The following BARD1 variants were observed in gnomAD, a reference collection of about 807,000 sequenced individuals.
BARD1 encodes the protein BRCA1 associated RING domain 1, also known as BRCA1-associated RING domain protein 1.
In BARD1, 73 loss-of-function variants were observed where a neutral mutation model predicts 77.0. The ratio of observed to expected loss-of-function variants is 0.95; its 90% CI spans 0.79 to 1.15. The LOEUF (loss-of-function observed/expected upper bound fraction) is 1.15, where lower values mean the gene tolerates loss of function less well. Among genes scored for constraint, BARD1 ranks in the 50% most tolerant of loss-of-function variants. The probability of loss-of-function intolerance (pLI) is 0.00; values close to 1 mark genes in which losing one functional copy is unlikely to be tolerated. For synonymous variants in BARD1, 384 were observed against 338.0 expected, an observed-to-expected ratio of 1.14 and a Z score of -1.49; for missense variants, 993 against 938.8, an observed-to-expected ratio of 1.06 and a Z score of -0.75.
At position 214,767,515 on chromosome 2, in the gene BARD1, A is replaced by G. The variant is rs786201769; in HGVS notation, c.1535T>C (p.Leu512Pro). 1 of 1,613,952 alleles carries G rather than the reference A, an allele frequency of 6.2e-7. No homozygotes were observed. Among genetic ancestry groups the G allele is most frequent in the Non-Finnish European group, 8.5e-7 (1 of 1,179,838 alleles). Residue 512 changes from leucine to proline, a missense_variant, in exon 6 of 11, where the codon CTG becomes CCG. Transcript: ENST00000260947. ...AKNGHVDIVK[L>P]LLSYGASRNA... ...TCTGGAGGCTCCATAGGAAAGTAAC[A>G]GCTTGACTATATCCACATGCCCATT... is the stretch of plus-strand genomic sequence containing the variant.
chr2:214,770,833 CT>C (rs552420126), intron 4 of BARD1, among the ~76,000 whole-genome samples: 1 of 152,126 alleles, frequency 6.6e-6, no homozygotes, highest in Non-Finnish European at 1.5e-5. Flanking sequence ...TCCCACTCTT[CT>C]TTTTTATTTT....
intron 4 of BARD1, among the ~76,000 whole-genome samples, chr2:214,779,378 T>C (rs926230372): frequency 3.3e-5 from 5 of 152,096 alleles, no homozygotes; most frequent in Non-Finnish European, 7.3e-5. Flanking sequence ...ATAGTTGTTA[T>C]ACGATATTTT....
At chr2:214,756,261 G>A (rs1186362825) in intron 6 of BARD1, among the ~76,000 whole-genome samples, 2 of 152,032 alleles carry the variant, frequency 1.3e-5, no homozygotes, top group South Asian at 2.1e-4. Context: ...CCAGGAAAAT[G>A]CAAATCAAAA....
chr2:214,761,209 C>T (rs1468766850), intron 6 of BARD1, among the ~76,000 whole-genome samples: 1 of 150,534 alleles, frequency 6.6e-6, no homozygotes, highest in Non-Finnish European at 1.5e-5. Flanking sequence ...AAAATAGATA[C>T]TGTTATGCTA....
At chr2:214,752,578 G>GT (rs1559395073) in intron 6 of BARD1, 23 bp from the exon 7 acceptor site, 1 of 1,555,142 alleles carries the variant, frequency 6.4e-7, no homozygotes. Context: ...GTGCAGATGT[G>GT]TTTAAGTAAG....
chr2:214,790,243 T>A (rs1695454328), intron 3 of BARD1, among the ~76,000 whole-genome samples: 1 of 152,132 alleles, frequency 6.6e-6, no homozygotes, highest in African/African-American at 2.4e-5. Context: ...AATGTTATAT[T>A]GTTATAAATT....
At chr2:214,741,894 T>TA (rs1176264390) in intron 9 of BARD1, among the ~76,000 whole-genome samples, 1 of 149,880 alleles carries the variant, frequency 6.7e-6, no homozygotes, top group Non-Finnish European at 1.5e-5. Flanking sequence ...TTCTCATAGT[T>TA]AAATTTGGAC....
chr2:214,729,609 T>G (rs1235194788), intron 10 of BARD1, among the ~76,000 whole-genome samples: 1 of 152,188 alleles, frequency 6.6e-6, no homozygotes, highest in Non-Finnish European at 1.5e-5. Flanking sequence ...CTTCTAAAAT[T>G]TTAGATATGC....
intron 4 of BARD1, among the ~76,000 whole-genome samples, chr2:214,769,958 T>C (rs554920477): frequency 1.3e-5 from 2 of 152,276 alleles, no homozygotes; most frequent in South Asian, 2.1e-4. Flanking sequence ...TTTTGAGCAT[T>C]TGTAAATGGC....
At chr2:214,765,352 C>T (rs1694147502) in intron 6 of BARD1, among the ~76,000 whole-genome samples, 1 of 152,142 alleles carries the variant, frequency 6.6e-6, no homozygotes, top group South Asian at 2.1e-4. Flanking sequence ...CCTCACAGTG[C>T]AGTGACGAAT....
intron 7 of BARD1, among the ~76,000 whole-genome samples, chr2:214,751,838 C>T (rs75492770): frequency 0.014 from 2,147 of 152,238 alleles, 12 homozygotes; most frequent in Middle Eastern, 0.027. Flanking sequence ...GTAATCTATC[C>T]GAAAGTCCCG....
rs1182530723 is a variant in BARD1 at position 214,789,507 on chromosome 2, T to C, written c.364+2790A>G. Reference sequence around the variant, plus strand: ...CTTCAGTGAGCCATGATGGCCCCAATGCACTCCATCCTGGGCAACAGAGCA... The same window carrying C: ...CTTCAGTGAGCCATGATGGCCCCAACGCACTCCATCCTGGGCAACAGAGCA... On this transcript the variant is annotated intron_variant, in intron 3 of 10. Coordinates refer to ENST00000260947, the MANE Select transcript of BARD1 (RefSeq NM_000465.4). Among the ~76,000 whole-genome samples the C allele has an allele frequency of 2.0e-5, 3 of 152,110 alleles. No individual in the cohort carries two copies. The East Asian group carries it at 5.8e-4, about 29-fold the overall frequency.
intron 3 of BARD1, among the ~76,000 whole-genome samples, chr2:214,787,130 C>T (rs1350087017): frequency 6.6e-6 from 1 of 151,532 alleles, no homozygotes; most frequent in East Asian, 1.9e-4. Context: ...TGTTCAAACC[C>T]TGAGGTTCTC....
chr2:214,763,036 T>C (rs1206624185), intron 6 of BARD1, among the ~76,000 whole-genome samples: 1 of 152,078 alleles, frequency 6.6e-6, no homozygotes, highest in African/African-American at 2.4e-5. Flanking sequence ...ACACACAGCC[T>C]TTCAAAGACC....
At chr2:214,792,768 CCTAA>C (rs1206899964) in intron 2 of BARD1, among the ~76,000 whole-genome samples, 1 of 152,104 alleles carries the variant, frequency 6.6e-6, no homozygotes, top group East Asian at 1.9e-4. Context: ...AGTCGTGCAT[CCTAA>C]CTTTTTCTAT....
At chr2:214,756,008 G>A (rs1343351889) in intron 6 of BARD1, among the ~76,000 whole-genome samples, 2 of 151,974 alleles carry the variant, frequency 1.3e-5, no homozygotes, top group African/African-American at 2.4e-5. Context: ...CCTTATCAAC[G>A]GACAGTCGCG....
intron 7 of BARD1, 54 bp downstream of exon 7, chr2:214,752,393 C>A: frequency 6.8e-7 from 1 of 1,477,968 alleles, no homozygotes; most frequent in Non-Finnish European, 9.4e-7. Flanking sequence ...ATGTTCCTTT[C>A]ATAACCAATT....
chr2:214,775,500 C>T (rs1694698134), intron 4 of BARD1, among the ~76,000 whole-genome samples: 1 of 152,084 alleles, frequency 6.6e-6, no homozygotes, highest in Non-Finnish European at 1.5e-5. Flanking sequence ...GATCACTGAT[C>T]ACAAATCACC....
At chr2:214,768,288 CTTT>C (rs60632302) in intron 5 of BARD1, among the ~76,000 whole-genome samples, 1 of 151,890 alleles carries the variant, frequency 6.6e-6, no homozygotes, top group African/African-American at 2.4e-5. Context: ...GCATTCTATA[CTTT>C]TTAAGTACAT....
Sources: gnomAD v4.1 joint callset for allele counts (sites outside exome capture counted in the v4.1 genomes callset) on GRCh38, gnomAD v4.1.1 for gene constraint, MANE v1.5 for transcripts, NCBI Gene and HGNC (gene_info 2026-07-23, HGNC 2026-07-21) for gene names.